ARB2A: variants seen among roughly 807,000 people sequenced by gnomAD.
ARB2A encodes cotranscriptional regulator ARB2A.
chr5:93,777,007 A>G, the ARB2A span, among the ~76,000 whole-genome samples: 1 of 152,178 alleles, frequency 6.6e-6, no homozygotes, highest in East Asian at 1.9e-4. Context: ...TACCACAAGA[A>G]ATGAATTTTG....
the ARB2A span, among the ~76,000 whole-genome samples, chr5:93,764,455 T>G: frequency 4.5e-4 from 68 of 152,142 alleles, no homozygotes; most frequent in African/African-American, 1.5e-3. Flanking sequence ...CTAGAAGAAA[T>G]GGATAAATTC....
chr5:93,715,202 A>G, the ARB2A span, among the ~76,000 whole-genome samples: 137 of 152,352 alleles, frequency 9.0e-4, 1 homozygote, highest in Middle Eastern at 6.8e-3. Flanking sequence ...TTCAGAGAAA[A>G]GTACAAACGT....
At chr5:93,935,308 A>G in the ARB2A span, among the ~76,000 whole-genome samples, 2 of 152,204 alleles carry the variant, frequency 1.3e-5, no homozygotes, top group African/African-American at 2.4e-5. Flanking sequence ...AACCCAGTCA[A>G]CTGGAGCAGG....
At chr5:93,936,273 TAAG>T in the ARB2A span, among the ~76,000 whole-genome samples, 1 of 152,284 alleles carries the variant, frequency 6.6e-6, no homozygotes, top group South Asian at 2.1e-4. Context: ...TATCCTCTCT[TAAG>T]AAAAAATTTT....
the ARB2A span, among the ~76,000 whole-genome samples, chr5:93,668,031 TTTTTTCTTTTGGTAAG>T: frequency 4.6e-5 from 7 of 152,216 alleles, no homozygotes; most frequent in African/African-American, 7.2e-5. Flanking sequence ...TTCTACTAAT[TTTTTTCTTTTGGTAAG>T]AAAAAGTTAC....
At chr5:94,029,116 C>T in the ARB2A span, among the ~76,000 whole-genome samples, 2 of 152,040 alleles carry the variant, frequency 1.3e-5, no homozygotes, top group East Asian at 1.9e-4. Context: ...CTCATCATTC[C>T]GAGTAGCTAG....
At chr5:93,640,616 T>TTATATACATATGTATATAAGTA in the ARB2A span, among the ~76,000 whole-genome samples, 2 of 150,184 alleles carry the variant, frequency 1.3e-5, no homozygotes, top group Non-Finnish European at 3.0e-5. Context: ...GTATATATAC[T>TTATATACATATGTATATAAGTA]TATATACATA....
At chr5:93,961,362 C>T in the ARB2A span, among the ~76,000 whole-genome samples, 3 of 152,152 alleles carry the variant, frequency 2.0e-5, no homozygotes, top group Non-Finnish European at 4.4e-5. Context: ...CAATGGAATA[C>T]TGGCACTTTG....
chr5:94,050,770 T>C, the ARB2A span: 3 of 1,613,170 alleles, frequency 1.9e-6, no homozygotes, highest in African/African-American at 4.0e-5. Flanking sequence ...TCCATCTGTG[T>C]AAATCTTCCC....
the ARB2A span, among the ~76,000 whole-genome samples, chr5:93,970,292 C>T: frequency 3.3e-5 from 5 of 151,958 alleles, no homozygotes; most frequent in East Asian, 7.7e-4. Flanking sequence ...TGACTTTAAA[C>T]GTAAAGGTGG....
chr5:94,071,589 G>A, the ARB2A span, among the ~76,000 whole-genome samples: 5 of 151,980 alleles, frequency 3.3e-5, no homozygotes, highest in African/African-American at 7.2e-5. Context: ...ATACGAATAG[G>A]TATTTTACCA....
At chr5:93,697,966 G>A in the ARB2A span, among the ~76,000 whole-genome samples, 1 of 151,966 alleles carries the variant, frequency 6.6e-6, no homozygotes, top group Admixed American at 6.6e-5. Flanking sequence ...TACATAACTT[G>A]AAAAATATAG....
the ARB2A span, among the ~76,000 whole-genome samples, chr5:93,948,521 C>T: frequency 6.6e-6 from 1 of 151,910 alleles, no homozygotes; most frequent in African/African-American, 2.4e-5. Context: ...TAATTAGATC[C>T]CATTTGTCAA....
chr5:93,870,295 A>T, the ARB2A span, among the ~76,000 whole-genome samples: 2 of 152,176 alleles, frequency 1.3e-5, no homozygotes, highest in East Asian at 1.9e-4. Flanking sequence ...AGTTTAAATG[A>T]GATAGATCCA....
the ARB2A span, among the ~76,000 whole-genome samples, chr5:93,638,233 A>G: frequency 6.6e-6 from 1 of 152,274 alleles, no homozygotes; most frequent in South Asian, 2.1e-4. Flanking sequence ...AGTGCTGGCA[A>G]ATTACCAAAC....
the ARB2A span, among the ~76,000 whole-genome samples, chr5:93,808,617 A>T: frequency 2.6e-5 from 4 of 151,928 alleles, no homozygotes; most frequent in Non-Finnish European, 5.9e-5. Context: ...TGAATCTCTT[A>T]AAAACCTGAT....
chr5:93,884,541 T>C, the ARB2A span, among the ~76,000 whole-genome samples: 1 of 151,600 alleles, frequency 6.6e-6, no homozygotes, highest in Non-Finnish European at 1.5e-5. Context: ...ACTATATAAA[T>C]CAATTGAAGA....
the ARB2A span, among the ~76,000 whole-genome samples, chr5:94,019,789 C>T: frequency 6.6e-6 from 1 of 152,250 alleles, no homozygotes; most frequent in Admixed American, 6.5e-5. Flanking sequence ...GGGTATATAC[C>T]CAAAAGGATT....
the ARB2A span, among the ~76,000 whole-genome samples, chr5:94,066,875 A>G: frequency 4.6e-5 from 7 of 152,194 alleles, no homozygotes; most frequent in African/African-American, 1.7e-4. Context: ...AAACCAGACA[A>G]GATTGCAACA....
Sources: gnomAD v4.1 joint callset for allele counts (sites outside exome capture counted in the v4.1 genomes callset) on GRCh38, gnomAD v4.1.1 for gene constraint, MANE v1.5 for transcripts, NCBI Gene and HGNC (gene_info 2026-07-23, HGNC 2026-07-21) for gene names.